PCDHB11: variants seen among roughly 807,000 people sequenced by gnomAD.
The protein encoded by PCDHB11 is protocadherin beta-11.
For synonymous variants in PCDHB11, 522 were observed against 442.0 expected (o/e 1.18, Z -2.27); for missense variants, 1,151 against 1,003.4 (o/e 1.15, Z -1.99).
Position 141,199,731 on chromosome 5 carries a change from GC to G in PCDHB11, c.-43del. ...GGTGGACAAGTCAGAGACGCGTTCC[GC>G]AGAGCTGAAGCCTTTCTTCAAGAAG... On this transcript the variant is annotated 5_prime_UTR_variant, in exon 1 of 1. Transcript: ENST00000354757. 6.4e-7 allele frequency: 1 copy of G among 1,554,670 alleles called. No homozygotes were observed. Among genetic ancestry groups the G allele is most frequent in the Non-Finnish European group, 8.8e-7 (1 of 1,138,852 alleles).
At position 141,201,152 on chromosome 5, in the gene PCDHB11, G is replaced by C. The variant is rs139788105; in HGVS notation, c.1378G>C (p.Val460Leu). Reference sequence around the variant, plus strand: ...CACCCAAACCTCCTACACCCTGTTCGTCCGCGAGAACAACAGCCCCGCCCT... The same window carrying C: ...CACCCAAACCTCCTACACCCTGTTCCTCCGCGAGAACAACAGCCCCGCCCT... Reference protein sequence around the residue: ...TFTQTSYTLFVRENNSPALHI... With the variant: ...TFTQTSYTLFLRENNSPALHI... Residue 460 changes from valine (V) to leucine (L), a missense_variant, in exon 1 of 1, where the codon GTC (valine) becomes CTC (leucine). Coordinates refer to ENST00000354757, the MANE Select transcript of PCDHB11 (RefSeq NM_018931.3). 3.9e-5 allele frequency: 63 copies of C among 1,613,616 alleles called. No individual in the cohort carries two copies. The highest frequency in any genetic ancestry group is 5.3e-5 in the Non-Finnish European group (63 of 1,180,040).
At position 141,200,689 on chromosome 5, in the gene PCDHB11, A is replaced by T. The variant is rs782711170; in HGVS notation, c.915A>T (p.Ala305=). The T allele has an allele frequency of 1.2e-6, 2 of 1,614,176 alleles. No individual in the cohort carries two copies. Among genetic ancestry groups the T allele is most frequent in the East Asian group, 2.2e-5 (1 of 44,870 alleles). ...NQKSGEITLR[A]PLDFETIESY... ...AGTCTGGAGAAATTACTTTAAGAGC[A>T]CCTCTGGATTTTGAAACGATTGAGT... Residue 305 remains alanine, a synonymous_variant, in exon 1 of 1, where the codon GCA becomes GCT. Transcript: ENST00000354757.
In PCDHB11 at chr5:141,201,479, T is replaced by C. The variant is rs781832110; in HGVS notation, c.1705T>C (p.Ser569Pro). Residue 569 changes from serine to proline, a missense_variant, in exon 1 of 1, where the codon TCC becomes CCC. By Grantham distance (74) the Ser-to-Pro change is moderately conservative (BLOSUM62 -1). Coordinates refer to ENST00000354757, the MANE Select transcript of PCDHB11 (RefSeq NM_018931.3). Reference sequence around the variant, plus strand: ...CGTGCTGTACCCGCTGCAGAACGGCTCCGCGCCCTGCACCGAGCTGGTGCC... The same window carrying C: ...CGTGCTGTACCCGCTGCAGAACGGCCCCGCGCCCTGCACCGAGCTGGTGCC... ...PFVLYPLQNG[S>P]APCTELVPRA... 264 of 1,609,844 alleles carry C rather than the reference T, an allele frequency of 1.6e-4. No individual in the cohort carries two copies. The highest frequency in any genetic ancestry group is 2.1e-4 in the Non-Finnish European group (250 of 1,179,090).
Position 141,201,337 on chromosome 5 carries a change from C to G in PCDHB11, c.1563C>G (p.Tyr521Ter). Residue 521 changes from tyrosine (Y) to a stop codon, truncating the protein, a stop_gained, in exon 1 of 1, where the codon TAC becomes TAG. Transcript: ENST00000354757. LOFTEE classifies it low-confidence loss of function (END_TRUNC). ...TGTTCGCCCTCAGGTCGCTGGACTA[C>G]GAGGCCCTGCAGGCTTTCGACTTCC... Reference protein sequence around the residue: ...GHLFALRSLDYEALQAFDFRV... With the variant: ...GHLFALRSLD The G allele has an allele frequency of 1.2e-6, 2 of 1,613,424 alleles. No individual in the cohort carries two copies. Among genetic ancestry groups the G allele is most frequent in the Non-Finnish European group, 1.7e-6 (2 of 1,179,942 alleles).
At position 141,200,842 on chromosome 5, in the gene PCDHB11, C is replaced by A. The variant is rs1754159382; in HGVS notation, c.1068C>A (p.Ile356=). 1 of 1,614,172 alleles carries A rather than the reference C, an allele frequency of 6.2e-7. No homozygotes were observed. Among genetic ancestry groups the A allele is most frequent in the African/African-American group, 1.3e-5 (1 of 75,024 alleles). The change falls in exon 1 of 1, where the codon ATC becomes ATA. Residue 356 remains isoleucine, a synonymous_variant. Transcript: ENST00000354757. ...CTGTGTCATCAATTACCAGTCCAAT[C>A]CCAGAAAATACGCCAGAGACCGTGG... ...EITVSSITSP[I]PENTPETVVM... is the part of the protein sequence containing the mutation.
Position 141,200,299 on chromosome 5 carries a change from C to A in PCDHB11, c.525C>A (p.Asn175Lys). 6.2e-7 allele frequency: 1 copy of A among 1,614,186 alleles called. No homozygotes were observed. Among genetic ancestry groups the A allele is most frequent in the East Asian group, 2.2e-5 (1 of 44,876 alleles). The change falls in exon 1 of 1, where the codon AAC becomes AAA. Residue 175 changes from asparagine (N) to lysine (K), a missense_variant. Asn to Lys is a moderately conservative substitution (Grantham distance 94). Transcript: ENST00000354757. Reference sequence around the variant, plus strand: ...TAAAAAGCTACACAATAAGCCCCAACTCTCATTTTCACATTAAAATGAGAG... The same window carrying A: ...TAAAAAGCTACACAATAAGCCCCAAATCTCATTTTCACATTAAAATGAGAG... ...NAVKSYTISP[N>K]SHFHIKMRVI...
At position 141,203,750 on chromosome 5, in the gene PCDHB11, T is replaced by C. The variant is rs1554286012; in HGVS notation, c.*1582T>C. 1.3e-5 allele frequency: 2 copies of C among 152,156 alleles called. No individual in the cohort carries two copies. Among genetic ancestry groups the C allele is most frequent in the African/African-American group, 4.8e-5 (2 of 41,442 alleles). 9.4% of individuals were successfully genotyped at this position (152,156 alleles called of 1,614,324 possible). A position where few individuals can be genotyped will look rare whatever the true frequency, so the allele number is the denominator to read the frequency against. On this transcript the variant is annotated 3_prime_UTR_variant, in exon 1 of 1. Transcript: ENST00000354757. ...ATAATCCAAACAAAATGTAATAAAC[T>C]GCATGAAAATAAATAGGAATATTAA...
chr5:141,200,289 T>C lies in PCDHB11; in HGVS notation c.515T>C (p.Ile172Thr), dbSNP rs139238500. ...VGINAVKSYT[I>T]SPNSHFHIKM... ...ATCAATGCTGTAAAAAGCTACACAATAAGCCCCAACTCTCATTTTCACATT... is the reference window on the plus strand; with the variant it reads ...ATCAATGCTGTAAAAAGCTACACAACAAGCCCCAACTCTCATTTTCACATT... The change falls in exon 1 of 1, where the codon ATA (isoleucine) becomes ACA (threonine). Residue 172 changes from isoleucine (I) to threonine (T), a missense_variant. Transcript: ENST00000354757. 3.1e-6 allele frequency: 5 copies of C among 1,614,012 alleles called. No individual in the cohort carries two copies. The African/African-American group carries it at 6.7e-5, about 22-fold the overall frequency.
rs782776198 is a variant in PCDHB11, at chr5:141,201,363, G to C, written c.1589G>C (p.Arg530Pro). ...GAGGCCCTGCAGGCTTTCGACTTCC[G>C]CGTGGGCGCCACAGACCGCGGCTCC... ...DYEALQAFDFRVGATDRGSPA... is the reference protein window; with the variant it reads ...DYEALQAFDFPVGATDRGSPA... The change falls in exon 1 of 1, where the codon CGC becomes CCC. Residue 530 changes from arginine to proline, a missense_variant. Coordinates refer to ENST00000354757, the MANE Select transcript of PCDHB11 (RefSeq NM_018931.3). 17 of 1,612,816 alleles carry C rather than the reference G, an allele frequency of 1.1e-5. No individual in the cohort carries two copies. Among genetic ancestry groups the C allele is most frequent in the Non-Finnish European group, 1.3e-5 (15 of 1,179,898 alleles).
rs781924951 is a variant in PCDHB11, at chr5:141,200,760, G to T, written c.986G>T (p.Gly329Val). ...GCCACAGATGGGGGAGGACTTTTTG[G>T]AAAATCTACAGTCATAATTCACGTG... is the stretch of plus-strand genomic sequence containing the variant. ...IQATDGGGLF[G>V]KSTVIIHVID... The change falls in exon 1 of 1, where the codon GGA (glycine) becomes GTA (valine). Residue 329 changes from glycine (G) to valine (V), a missense_variant. Transcript: ENST00000354757. 47 of 1,614,012 alleles carry T rather than the reference G, an allele frequency of 2.9e-5. No homozygotes were observed. The highest frequency in any genetic ancestry group is 5.1e-6 in the Non-Finnish European group (6 of 1,180,040).
Position 141,202,301 on chromosome 5 carries a change from A to ATT in PCDHB11, c.*148_*149dup, listed in dbSNP as rs72116873. ...TTTTAATTTTTTCTTTTCTCCCCCAATTTTTTTTTTTTTTTTGAGACCGAG... is the reference window on the plus strand; with the variant it reads ...TTTTAATTTTTTCTTTTCTCCCCCAATTTTTTTTTTTTTTTTTTGAGACCGAG... On this transcript the variant is annotated 3_prime_UTR_variant, in exon 1 of 1. Transcript: ENST00000354757. The ATT allele has an allele frequency of 5.8e-3, 3,843 of 666,128 alleles. 2 individuals carry two copies. The highest frequency in any genetic ancestry group is 0.011 in the Middle Eastern group (24 of 2,136). 41.3% of individuals were successfully genotyped at this position (666,128 alleles called of 1,614,324 possible). A position where few individuals can be genotyped will look rare whatever the true frequency, so the allele number is the denominator to read the frequency against.
chr5:141,200,980 G>GAAGTAA lies in PCDHB11; in HGVS notation c.1206_1207insAAGTAA (p.Thr402_Leu403insLysTer). ...AATCTTCAGTTGAGAATTACTACAC[G>GAAGTAA]TTGGAAACAGAGAGACCACTGGACA... On this transcript the variant is annotated stop_gained and inframe_insertion, in exon 1 of 1. Transcript: ENST00000354757. LOFTEE classifies it low-confidence loss of function (END_TRUNC). 1 of 1,614,152 alleles carries GAAGTAA rather than the reference G, an allele frequency of 6.2e-7. No homozygotes were observed. Among genetic ancestry groups the GAAGTAA allele is most frequent in the East Asian group, 2.2e-5 (1 of 44,886 alleles).
At position 141,202,508 on chromosome 5, in the gene PCDHB11, A is replaced by C; in HGVS notation, c.*340A>C. ...TCTTTAGTAGAGACGGGGTTTCACC[A>C]CGTTGGCCGGGCAGGTTTTAAACTC... On this transcript the variant is annotated 3_prime_UTR_variant, in exon 1 of 1. Transcript: ENST00000354757. 1 of 169,122 alleles carries C rather than the reference A, an allele frequency of 5.9e-6. No homozygotes were observed. Among genetic ancestry groups the C allele is most frequent in the East Asian group, 1.7e-4 (1 of 5,972 alleles). 10.5% of individuals were successfully genotyped at this position (169,122 alleles called of 1,614,324 possible).
In PCDHB11 at chr5:141,200,833, C is replaced by G; in HGVS notation, c.1059C>G (p.Thr353=). The change falls in exon 1 of 1, where the codon ACC becomes ACG. Residue 353 remains threonine, a synonymous_variant. Transcript: ENST00000354757. ...NAPEITVSSI[T]SPIPENTPET... ...CTGAAATCACTGTGTCATCAATTAC[C>G]AGTCCAATCCCAGAAAATACGCCAG... is the stretch of plus-strand genomic sequence containing the variant. The G allele has an allele frequency of 3.1e-6, 5 of 1,614,152 alleles. No individual in the cohort carries two copies. The highest frequency in any genetic ancestry group is 2.2e-5 in the South Asian group (2 of 91,084).
rs781992331 is a variant in PCDHB11, at chr5:141,201,277, C to A, written c.1503C>A (p.Ala501=). ...LPPQDLHLPL[A]SLVSINTDNG... ...CCCAGGACCTGCACCTGCCCCTCGC[C>A]TCCCTGGTCTCCATCAACACAGACA... is the stretch of plus-strand genomic sequence containing the variant. The change falls in exon 1 of 1, where the codon GCC becomes GCA. Residue 501 remains alanine, a synonymous_variant. Transcript: ENST00000354757. 1.9e-6 allele frequency: 3 copies of A among 1,613,554 alleles called. No homozygotes were observed. The highest frequency in any genetic ancestry group is 2.2e-5 in the South Asian group (2 of 91,060).
chr5:141,200,556 T>G lies in PCDHB11; in HGVS notation c.782T>G (p.Ile261Ser), dbSNP rs1554285321. Residue 261 changes from isoleucine to serine, a missense_variant, in exon 1 of 1, where the codon ATT becomes AGT. Ile to Ser is a moderately radical substitution (Grantham distance 142). Coordinates refer to ENST00000354757, the MANE Select transcript of PCDHB11 (RefSeq NM_018931.3). ...IRENSILGSL[I>S]LIVSAWDLDS... ...GAGAATAGCATCCTTGGCTCGCTGA[T>G]TTTGATTGTCTCAGCTTGGGATTTA... 1.2e-6 allele frequency: 2 copies of G among 1,614,172 alleles called. No homozygotes were observed. Among genetic ancestry groups the G allele is most frequent in the Non-Finnish European group, 1.7e-6 (2 of 1,180,038 alleles).
rs1353101191 is a variant in PCDHB11 at position 141,201,073 on chromosome 5, C to T, written c.1299C>T (p.Thr433=). 1 of 1,614,154 alleles carries T rather than the reference C, an allele frequency of 6.2e-7. No homozygotes were observed. Among genetic ancestry groups the T allele is most frequent in the East Asian group, 2.2e-5 (1 of 44,884 alleles). ...VTDLGIPRLK[T]EHNTTVLVSD... ...ACTTGGGGATACCCAGGCTGAAAACCGAGCACAACACAACTGTGTTGGTCT... is the reference window on the plus strand; with the variant it reads ...ACTTGGGGATACCCAGGCTGAAAACTGAGCACAACACAACTGTGTTGGTCT... Residue 433 remains threonine (T), a synonymous_variant, in exon 1 of 1, where the codon ACC becomes ACT. Coordinates refer to ENST00000354757, the MANE Select transcript of PCDHB11 (RefSeq NM_018931.3).
In PCDHB11 at chr5:141,199,784, C is replaced by T. The variant is rs1423821572; in HGVS notation, c.10C>T (p.Gln4Ter). The change falls in exon 1 of 1, where the codon CAA becomes TAA. Residue 4 changes from glutamine to a stop codon, truncating the protein, a stop_gained. Transcript: ENST00000354757. LOFTEE classifies it low-confidence loss of function (END_TRUNC). The part of the protein sequence containing the change: MEN[Q>*]GTRTQQIRQV... ...CTACAAGAAAGGAACTATGGAGAAC[C>T]AAGGGACACGCACTCAGCAGATAAG... 1.2e-6 allele frequency: 2 copies of T among 1,613,902 alleles called. No individual in the cohort carries two copies. Among genetic ancestry groups the T allele is most frequent in the South Asian group, 1.1e-5 (1 of 91,064 alleles).
chr5:141,200,391 C>A lies in PCDHB11; in HGVS notation c.617C>A (p.Pro206Gln). ...LDKALDYEEL[P>Q]ELSFILSALD... Reference sequence around the variant, plus strand: ...AAGGCGCTGGATTATGAAGAGCTCCCGGAGCTCAGTTTCATCCTCTCTGCT... The same window carrying A: ...AAGGCGCTGGATTATGAAGAGCTCCAGGAGCTCAGTTTCATCCTCTCTGCT... The change falls in exon 1 of 1, where the codon CCG becomes CAG. Residue 206 changes from proline (P) to glutamine (Q), a missense_variant. Pro to Gln is a moderately conservative substitution (Grantham distance 76). Coordinates refer to ENST00000354757, the MANE Select transcript of PCDHB11 (RefSeq NM_018931.3). The A allele has an allele frequency of 6.2e-7, 1 of 1,614,136 alleles. No individual in the cohort carries two copies. The highest frequency in any genetic ancestry group is 8.5e-7 in the Non-Finnish European group (1 of 1,180,020).
Sources: allele counts gnomAD v4.1 joint callset, GRCh38; gene constraint gnomAD v4.1.1; transcripts MANE v1.5; gene names NCBI Gene and HGNC (gene_info 2026-07-23, HGNC 2026-07-21).